PPARGC1A: variants seen among roughly 807,000 people sequenced by gnomAD.
PPARGC1A encodes PPARG coactivator 1 alpha.
A neutral mutation model predicts 88.7 loss-of-function variants in PPARGC1A; 25 were observed. That is an observed-to-expected ratio of 0.28 (90% CI 0.21 to 0.39). PPARGC1A has a LOEUF of 0.39. Among genes scored for constraint, PPARGC1A ranks in the 10% least tolerant of loss-of-function variants. The pLI is 1.00. For missense variants in PPARGC1A, 880 were observed against 968.7 expected, an observed-to-expected ratio of 0.91 and a Z score of 1.22; for synonymous variants, 363 against 355.6, an observed-to-expected ratio of 1.02 and a Z score of -0.24.
At chr4:24,071,215 C>T in the PPARGC1A span, among the ~76,000 whole-genome samples, 3 of 152,090 alleles carry the variant, frequency 2.0e-5, no homozygotes, top group Non-Finnish European at 4.4e-5. Context: ...CACCCACATG[C>T]ATGCACAAAC....
At chr4:24,274,513 A>G in the PPARGC1A span, among the ~76,000 whole-genome samples, 1 of 152,258 alleles carries the variant, frequency 6.6e-6, no homozygotes, top group Non-Finnish European at 1.5e-5. Context: ...ACAAATGAGC[A>G]TGGCTGCGTT....
chr4:24,218,087 G>A, the PPARGC1A span, among the ~76,000 whole-genome samples: 1 of 152,182 alleles, frequency 6.6e-6, no homozygotes, highest in Non-Finnish European at 1.5e-5. Context: ...TTCATACAAA[G>A]TTAGAAAATT....
At chr4:23,918,299 T>C in the PPARGC1A span, among the ~76,000 whole-genome samples, 1 of 152,016 alleles carries the variant, frequency 6.6e-6, no homozygotes, top group South Asian at 2.1e-4. Flanking sequence ...CTCTGTTCAC[T>C]ACAACCTCAG....
the PPARGC1A span, among the ~76,000 whole-genome samples, chr4:24,381,477 G>T: frequency 6.6e-6 from 1 of 152,196 alleles, no homozygotes; most frequent in Non-Finnish European, 1.5e-5. Context: ...TGAAGTCATT[G>T]TTTTTCACCT....
At chr4:24,304,019 A>AC in the PPARGC1A span, among the ~76,000 whole-genome samples, 3 of 152,152 alleles carry the variant, frequency 2.0e-5, no homozygotes, top group Non-Finnish European at 2.9e-5. Context: ...TAAGAGGCAA[A>AC]CCCCCACAAC....
At chr4:24,321,661 G>T in the PPARGC1A span, among the ~76,000 whole-genome samples, 2 of 152,216 alleles carry the variant, frequency 1.3e-5, no homozygotes, top group Non-Finnish European at 2.9e-5. Flanking sequence ...TGCAGAATGT[G>T]AAAATCACCA....
chr4:24,092,302 C>A, the PPARGC1A span, among the ~76,000 whole-genome samples: 1 of 152,052 alleles, frequency 6.6e-6, no homozygotes, highest in Non-Finnish European at 1.5e-5. Context: ...GAATGAACTC[C>A]TCAAACTTTA....
At chr4:24,394,657 TTTCCATA>T in the PPARGC1A span, among the ~76,000 whole-genome samples, 13 of 152,218 alleles carry the variant, frequency 8.5e-5, no homozygotes, top group Admixed American at 1.3e-4. Context: ...CGCTGTATGT[TTTCCATA>T]CTGCTCCGTC....
chr4:24,317,087 C>A, the PPARGC1A span, among the ~76,000 whole-genome samples: 1 of 152,070 alleles, frequency 6.6e-6, no homozygotes, highest in Non-Finnish European at 1.5e-5. Context: ...ATTATTATCC[C>A]CATTATACAG....
rs139240743 is a variant in PPARGC1A at position 23,813,078 on chromosome 4, C to T, written c.1841G>A (p.Arg614Gln). 2.5e-5 allele frequency: 40 copies of T among 1,613,898 alleles called. No individual in the cohort carries two copies. The highest frequency in any genetic ancestry group is 3.1e-5 in the Non-Finnish European group (36 of 1,179,970). ...ESSHYRHRTH[R>Q]NSPLYVRSRS... ...TGATCTCACATACAAGGGAGAATTT[C>T]GGTGCGTGCGGTGTCTGTAGTGGCT... Residue 614 changes from arginine (R) to glutamine (Q), a missense_variant, in exon 9 of 13, where the codon CGA becomes CAA. Arg to Gln is a conservative substitution (Grantham distance 43, BLOSUM62 1). Transcript: ENST00000264867.
chr4:24,243,812 T>C, the PPARGC1A span, among the ~76,000 whole-genome samples: 13 of 152,176 alleles, frequency 8.5e-5, no homozygotes, highest in Non-Finnish European at 1.5e-4. Flanking sequence ...AGGCAGAAAA[T>C]TGTGCTAGTC....
chr4:24,351,280 G>A, the PPARGC1A span, among the ~76,000 whole-genome samples: 79 of 151,054 alleles, frequency 5.2e-4, no homozygotes, highest in Admixed American at 1.2e-3. Flanking sequence ...ACCTGTAGTC[G>A]TAGCTACTTG....
the PPARGC1A span, among the ~76,000 whole-genome samples, chr4:24,009,172 C>T: frequency 9.8e-5 from 13 of 132,696 alleles, 1 homozygote; most frequent in Admixed American, 9.7e-4. Context: ...GCAAAACATT[C>T]CTGATGATTA....
At chr4:23,857,357 G>A (rs1373942605) in intron 2 of PPARGC1A, among the ~76,000 whole-genome samples, 12 of 109,548 alleles carry the variant, frequency 1.1e-4, no homozygotes, top group African/African-American at 2.1e-4. Context: ...TATTTAGTAT[G>A]TGCGTGTGTG....
chr4:23,983,336 AG>A, the PPARGC1A span, among the ~76,000 whole-genome samples: 1 of 152,152 alleles, frequency 6.6e-6, no homozygotes, highest in Admixed American at 6.6e-5. Context: ...GAATGCATGA[AG>A]GACATCGTGA....
At chr4:24,339,237 TACACACACAC>T in the PPARGC1A span, among the ~76,000 whole-genome samples, 2 of 104,266 alleles carry the variant, frequency 1.9e-5, no homozygotes, top group Non-Finnish European at 3.8e-5. Context: ...TATATATATA[TACACACACAC>T]ACACACACAC....
At chr4:23,923,628 G>A in the PPARGC1A span, among the ~76,000 whole-genome samples, 1 of 152,146 alleles carries the variant, frequency 6.6e-6, no homozygotes, top group African/African-American at 2.4e-5. Context: ...AGAGCTGTCA[G>A]AATACAAAGG....
chr4:24,410,874 G>C, the PPARGC1A span, among the ~76,000 whole-genome samples: 4 of 152,082 alleles, frequency 2.6e-5, no homozygotes, highest in Non-Finnish European at 5.9e-5. Context: ...CTGCACTGTC[G>C]GCTTCCCTAC....
the PPARGC1A span, among the ~76,000 whole-genome samples, chr4:24,036,125 T>C: frequency 3.9e-5 from 6 of 152,344 alleles, no homozygotes; most frequent in African/African-American, 1.4e-4. Context: ...GATAGTAATA[T>C]TGCCTATCTC....
Sources: allele counts gnomAD v4.1 joint callset (sites outside exome capture counted in the v4.1 genomes callset), GRCh38; gene constraint gnomAD v4.1.1; transcripts MANE v1.5; gene names NCBI Gene and HGNC (gene_info 2026-07-23, HGNC 2026-07-21).